The following HMBOX1 variants were observed in gnomAD, a reference collection of about 807,000 sequenced individuals.
HMBOX1 encodes homeobox containing 1.
Under a neutral mutation model 54.5 loss-of-function variants are expected in HMBOX1, and 14 were observed. The ratio of observed to expected loss-of-function variants is 0.26; its 90% CI spans 0.17 to 0.40. The LOEUF is 0.40. Among genes scored for constraint, HMBOX1 ranks in the 10% least tolerant of loss-of-function variants. HMBOX1 has a pLI of 1.00. For synonymous variants in HMBOX1, 160 were observed against 181.0 expected (o/e 0.88, Z 0.93); for missense variants, 332 against 514.4 (o/e 0.65, Z 3.43).
chr8:29,015,005 C>T (rs980657404), intron 5 of HMBOX1, among the ~76,000 whole-genome samples: 4 of 152,086 alleles, frequency 2.6e-5, no homozygotes, highest in Non-Finnish European at 4.4e-5. Context: ...ATAACCAGGC[C>T]ACTACTTACT....
chr8:28,988,391 T>C (rs1395426557), intron 4 of HMBOX1, among the ~76,000 whole-genome samples: 1 of 152,246 alleles, frequency 6.6e-6, no homozygotes, highest in African/African-American at 2.4e-5. Context: ...GCTGTGAACA[T>C]CTTGTGTACA....
intron 6 of HMBOX1, among the ~76,000 whole-genome samples, chr8:29,041,152 A>G (rs1421932928): frequency 6.6e-6 from 1 of 152,220 alleles, no homozygotes; most frequent in Non-Finnish European, 1.5e-5. Context: ...TTCAACAGAG[A>G]AGCATATAAG....
chr8:29,026,661 T>G (rs1423194027), intron 6 of HMBOX1, among the ~76,000 whole-genome samples: 1 of 152,152 alleles, frequency 6.6e-6, no homozygotes, highest in Non-Finnish European at 1.5e-5. Flanking sequence ...CTCAAAGAGG[T>G]TGAATAACTA....
intron 3 of HMBOX1, among the ~76,000 whole-genome samples, chr8:28,975,591 G>C (rs1179950059): frequency 6.6e-6 from 1 of 152,166 alleles, no homozygotes; most frequent in African/African-American, 2.4e-5. Context: ...ACTTGAAAAA[G>C]GGAGTAGGAG....
intron 1 of HMBOX1, among the ~76,000 whole-genome samples, chr8:28,923,723 G>A (rs1191985543): frequency 6.6e-6 from 1 of 151,982 alleles, no homozygotes; most frequent in African/African-American, 2.4e-5. Context: ...ATCCCTACCA[G>A]CAATATATAC....
chr8:28,991,289 T>G (rs1390139502), intron 4 of HMBOX1, among the ~76,000 whole-genome samples: 4 of 152,182 alleles, frequency 2.6e-5, no homozygotes, highest in African/African-American at 9.7e-5. Flanking sequence ...GGAATATTTT[T>G]CTCTTGCCAG....
chr8:28,910,356 T>A (rs1032642066), intron 1 of HMBOX1, among the ~76,000 whole-genome samples: 3 of 152,254 alleles, frequency 2.0e-5, no homozygotes, highest in African/African-American at 4.8e-5. Flanking sequence ...AGGATATTTT[T>A]AAAAATGCTT....
At chr8:29,019,345 A>T (rs11993726) in intron 6 of HMBOX1, among the ~76,000 whole-genome samples, 3,075 of 152,110 alleles carry the variant, frequency 0.02, 91 homozygotes, top group African/African-American at 0.069. Flanking sequence ...CTTATTTTTG[A>T]CTTTGTTTTA....
chr8:28,944,970 C>T (rs1328412508), intron 1 of HMBOX1, among the ~76,000 whole-genome samples: 1 of 152,098 alleles, frequency 6.6e-6, no homozygotes. Flanking sequence ...CTCTGGATTT[C>T]TGCGCATTTA....
intron 6 of HMBOX1, among the ~76,000 whole-genome samples, chr8:29,028,281 G>A (rs1802388672): frequency 6.6e-6 from 1 of 152,146 alleles, no homozygotes; most frequent in Admixed American, 6.5e-5. Flanking sequence ...TAAATTTGGT[G>A]TCACTGCTGT....
chr8:28,959,136 GA>G (rs779813230), intron 1 of HMBOX1, among the ~76,000 whole-genome samples: 4 of 151,956 alleles, frequency 2.6e-5, no homozygotes, highest in Non-Finnish European at 4.4e-5. Context: ...CTCAGCATAT[GA>G]TTTTTTTTTT....
chr8:28,980,839 CATTAGTCGTTAGA>C (rs1829214178), intron 4 of HMBOX1, among the ~76,000 whole-genome samples: 1 of 152,002 alleles, frequency 6.6e-6, no homozygotes, highest in Non-Finnish European at 1.5e-5. Context: ...AGTAACTGGG[CATTAGTCGTTAGA>C]AGAACCGGAC....
At chr8:28,917,468 A>G (rs923620871) in intron 1 of HMBOX1, among the ~76,000 whole-genome samples, 7 of 151,954 alleles carry the variant, frequency 4.6e-5, no homozygotes, top group Non-Finnish European at 1.0e-4. Flanking sequence ...AAACCTTAAG[A>G]TTTTCTACAT....
chr8:29,008,256 A>G (rs1009066255), intron 4 of HMBOX1, among the ~76,000 whole-genome samples: 2 of 152,188 alleles, frequency 1.3e-5, no homozygotes, highest in African/African-American at 4.8e-5. Context: ...AATAGCTATG[A>G]ATGGCCAGAA....
At position 28,970,518 on chromosome 8, in the gene HMBOX1, A is replaced by C; in HGVS notation, c.499A>C (p.Arg167=). Residue 167 remains arginine, a splice_region_variant and synonymous_variant, in exon 3 of 10, where the codon AGG becomes CGG. Coordinates refer to ENST00000287701, the MANE Select transcript of HMBOX1 (RefSeq NM_001135726.3). The surrounding 1 kb of genome is among the most constrained non-coding windows in gnomAD (Gnocchi z 4.3). ...DVDDKVEELM[R]RDSSVIKEEI... Reference sequence around the variant, plus strand: ...AGATGATAAAGTGGAAGAATTAATGAGGTTAGTGACTTTGCTTATTCAGAG... The same window carrying C: ...AGATGATAAAGTGGAAGAATTAATGCGGTTAGTGACTTTGCTTATTCAGAG... 1 of 1,571,622 alleles carries C rather than the reference A, an allele frequency of 6.4e-7. No homozygotes were observed.
intron 4 of HMBOX1, among the ~76,000 whole-genome samples, chr8:28,989,962 A>T (rs1050267676): frequency 2.0e-5 from 3 of 152,062 alleles, no homozygotes; most frequent in Non-Finnish European, 4.4e-5. Context: ...TATTGCTATT[A>T]TATTGGTATT....
intron 1 of HMBOX1, among the ~76,000 whole-genome samples, chr8:28,946,125 G>A (rs1038969375): frequency 2.6e-5 from 4 of 151,482 alleles, no homozygotes; most frequent in African/African-American, 7.3e-5. Context: ...GCTAATTTTC[G>A]TATTTTTAGT....
At chr8:28,991,005 G>A (rs1428609447) in intron 4 of HMBOX1, among the ~76,000 whole-genome samples, 2 of 152,086 alleles carry the variant, frequency 1.3e-5, no homozygotes, top group Non-Finnish European at 2.9e-5. Context: ...AATAACGTTG[G>A]CCTCATGAGA....
Position 28,981,056 on chromosome 8 carries a change from T to C in HMBOX1, c.586+900T>C, listed in dbSNP as rs372821748. Among the ~76,000 whole-genome samples, 10 of 152,320 alleles carry C rather than the reference T, an allele frequency of 6.6e-5. No individual in the cohort carries two copies. In the South Asian group the frequency reaches 1.0e-3, roughly 16 times the overall value. On this transcript the variant is annotated intron_variant, in intron 4 of 9. Transcript: ENST00000287701. Reference sequence around the variant, plus strand: ...GGATCTGATCTTCAACAATAACTTATGATTTAAAGATATTATTTCTGTTCT... The same window carrying C: ...GGATCTGATCTTCAACAATAACTTACGATTTAAAGATATTATTTCTGTTCT...
Sources: gnomAD v4.1 joint callset for allele counts (sites outside exome capture counted in the v4.1 genomes callset) on GRCh38, gnomAD v4.1.1 for gene constraint, Gnocchi (gnomAD v3.1) non-coding constraint, MANE v1.5 for transcripts, NCBI Gene and HGNC (gene_info 2026-07-23, HGNC 2026-07-21) for gene names.